RALA: variants seen among roughly 807,000 people sequenced by gnomAD.
RALA encodes the protein RAS like proto-oncogene A.
In RALA, 5 loss-of-function variants were observed where a neutral mutation model predicts 24.0. That is an observed-to-expected ratio of 0.21 (90% CI 0.11 to 0.44). The LOEUF is 0.44. Ranked by LOEUF, RALA falls within the 20% of genes least tolerant of loss-of-function variation. The probability of loss-of-function intolerance (pLI) is 0.99; values close to 1 mark genes in which losing one functional copy is unlikely to be tolerated. For missense variants in RALA, 95 were observed against 241.2 expected (o/e 0.39, Z 4.01); for synonymous variants, 77 against 83.8 (o/e 0.92, Z 0.44).
intron 1 of RALA, among the ~76,000 whole-genome samples, chr7:39,633,405 G>T (rs570702776): frequency 1.1e-3 from 164 of 152,306 alleles, no homozygotes; most frequent in Middle Eastern, 3.4e-3. Flanking sequence ...GGGAGAGAGA[G>T]AATGAGAATT....
intron 1 of RALA, among the ~76,000 whole-genome samples, chr7:39,663,189 A>G (rs1329931104): frequency 6.6e-6 from 1 of 152,212 alleles, no homozygotes; most frequent in African/African-American, 2.4e-5. Context: ...TATCACATAC[A>G]AACACAACTA....
At chr7:39,693,161 A>G (rs1792859867) in intron 3 of RALA, among the ~76,000 whole-genome samples, 1 of 152,222 alleles carries the variant, frequency 6.6e-6, no homozygotes, top group Non-Finnish European at 1.5e-5. Flanking sequence ...AAGACTTGGA[A>G]TCAACTCAAA....
intron 1 of RALA, among the ~76,000 whole-genome samples, chr7:39,683,156 T>C: frequency 6.6e-6 from 1 of 152,140 alleles, no homozygotes; most frequent in South Asian, 2.1e-4. Context: ...CCTTCAGAAG[T>C]GTAAGAGATA....
chr7:39,685,561 C>G (rs1792684825), intron 1 of RALA, among the ~76,000 whole-genome samples: 1 of 151,952 alleles, frequency 6.6e-6, no homozygotes, highest in South Asian at 2.1e-4. Context: ...TTTCTAAGGC[C>G]AAGTCAGCAT....
chr7:39,655,475 T>G (rs1562613083), intron 1 of RALA, among the ~76,000 whole-genome samples: 2 of 152,188 alleles, frequency 1.3e-5, no homozygotes, highest in African/African-American at 4.8e-5. Flanking sequence ...ATGTGCAGTT[T>G]GTCGTATGTT....
chr7:39,649,222 A>G (rs969400681), intron 1 of RALA, among the ~76,000 whole-genome samples: 2 of 152,196 alleles, frequency 1.3e-5, no homozygotes, highest in African/African-American at 4.8e-5. Flanking sequence ...TAAGTTGCCT[A>G]TTAGACAACT....
At chr7:39,697,948 A>AGTT (rs1554298436) in intron 4 of RALA, among the ~76,000 whole-genome samples, 2 of 148,790 alleles carry the variant, frequency 1.3e-5, no homozygotes, top group South Asian at 2.2e-4. Flanking sequence ...GACTAGGGCA[A>AGTT]GTGTGTGTGT....
intron 1 of RALA, among the ~76,000 whole-genome samples, chr7:39,684,610 A>G (rs1171003197): frequency 1.3e-5 from 2 of 151,650 alleles, no homozygotes; most frequent in East Asian, 3.9e-4. Context: ...CACCGGTACA[A>G]CCTAAAAGCA....
intron 1 of RALA, among the ~76,000 whole-genome samples, chr7:39,675,756 A>C (rs966066914): frequency 2.0e-5 from 3 of 151,426 alleles, no homozygotes; most frequent in Admixed American, 2.0e-4. Context: ...AAAAAAAAAA[A>C]AAAAACTGTA....
At chr7:39,642,141 A>G (rs1313330252) in intron 1 of RALA, among the ~76,000 whole-genome samples, 2 of 152,212 alleles carry the variant, frequency 1.3e-5, no homozygotes, top group South Asian at 4.1e-4. Flanking sequence ...CAATTTAACA[A>G]TAGAAAAACA....
rs1474609722 is a variant in RALA at position 39,698,740 on chromosome 7, C to T, written c.498+1881C>T. Among the ~76,000 whole-genome samples the T allele has an allele frequency of 3.3e-5, 5 of 152,104 alleles. No homozygotes were observed. In the East Asian group the frequency reaches 9.6e-4, roughly 29 times the overall value. ...TCCAAGATAGAAAGCTATATTGTAA[C>T]AGTCCTTGTGGTGATCATCTGTTGG... On this transcript the variant is annotated intron_variant, in intron 4 of 4. Transcript: ENST00000005257.
intron 1 of RALA, among the ~76,000 whole-genome samples, chr7:39,656,135 T>A (rs1057419558): frequency 2.0e-5 from 3 of 152,184 alleles, no homozygotes; most frequent in African/African-American, 7.2e-5. Context: ...ATATCTTAAA[T>A]TTATTCCCAA....
At chr7:39,686,912 G>A in intron 2 of RALA, 131 bp downstream of exon 2, 1 of 645,826 alleles carries the variant, frequency 1.5e-6, no homozygotes. Flanking sequence ...TCATTTTTGT[G>A]TTTAGAGCCA....
At chr7:39,690,683 G>A in intron 3 of RALA, 93 bp downstream of exon 3, 20 of 965,012 alleles carry the variant, frequency 2.1e-5, no homozygotes, top group Non-Finnish European at 2.9e-5. Flanking sequence ...TAACTTGTTA[G>A]TCTTTTACTC....
At chr7:39,631,307 C>G (rs1791595107) in intron 1 of RALA, among the ~76,000 whole-genome samples, 1 of 152,110 alleles carries the variant, frequency 6.6e-6, no homozygotes, top group Non-Finnish European at 1.5e-5. Flanking sequence ...GGTGCCCGGC[C>G]TCATTGCTGT....
intron 1 of RALA, among the ~76,000 whole-genome samples, chr7:39,634,513 A>G (rs1791652755): frequency 1.3e-5 from 2 of 152,106 alleles, no homozygotes; most frequent in Non-Finnish European, 2.9e-5. Context: ...TCTGAGGGAA[A>G]TCTGTCTTCC....
In RALA at chr7:39,707,770, A is replaced by T. The variant is rs754986765; in HGVS notation, c.*1525A>T. ...GGCTTTTTAGGAACTCACTCTTTAG[A>T]TATTTACATCCAGCTTCTCATGTTA... is the stretch of plus-strand genomic sequence containing the variant. On this transcript the variant is annotated 3_prime_UTR_variant, in exon 5 of 5. Transcript: ENST00000005257. The T allele has an allele frequency of 2.0e-5, 3 of 152,648 alleles. No individual in the cohort carries two copies. Among genetic ancestry groups the T allele is most frequent in the Non-Finnish European group, 4.4e-5 (3 of 68,044 alleles). 9.5% of individuals were successfully genotyped at this position (152,648 alleles called of 1,614,324 possible).
chr7:39,642,364 T>C (rs1791833467), intron 1 of RALA, among the ~76,000 whole-genome samples: 1 of 152,200 alleles, frequency 6.6e-6, no homozygotes, highest in South Asian at 2.1e-4. Flanking sequence ...AAGATTTGTT[T>C]GCAGATTCCT....
intron 3 of RALA, 90 bp downstream of exon 3, chr7:39,690,680 T>C (rs1399448518): frequency 3.0e-6 from 3 of 1,016,026 alleles, no homozygotes; most frequent in African/African-American, 3.3e-5. Flanking sequence ...TTCTAACTTG[T>C]TAGTCTTTTA....
Sources: gnomAD v4.1 joint callset for allele counts (sites outside exome capture counted in the v4.1 genomes callset) on GRCh38, gnomAD v4.1.1 for gene constraint, MANE v1.5 for transcripts, NCBI Gene and HGNC (gene_info 2026-07-23, HGNC 2026-07-21) for gene names.